SAMD12: variants seen among roughly 807,000 people sequenced by gnomAD.
SAMD12 encodes sterile alpha motif domain-containing protein 12.
Under a neutral mutation model 15.0 loss-of-function variants are expected in SAMD12, and 9 were observed. That is an observed-to-expected ratio of 0.60 (90% confidence interval 0.36 to 1.05). The LOEUF is 1.05. Among genes scored for constraint, SAMD12 ranks in the 50% least tolerant of loss-of-function variants. The probability of loss-of-function intolerance (pLI) is 0.01; values close to 1 mark genes in which losing one functional copy is unlikely to be tolerated. For synonymous variants in SAMD12, 86 were observed against 90.1 expected, an observed-to-expected ratio of 0.96 and a Z score of 0.25; for missense variants, 230 against 234.2, an observed-to-expected ratio of 0.98 and a Z score of 0.12.
At chr8:118,534,830 G>A (rs1341346532) in intron 2 of SAMD12, among the ~76,000 whole-genome samples, 1 of 152,128 alleles carries the variant, frequency 6.6e-6, no homozygotes, top group African/African-American at 2.4e-5. Flanking sequence ...CGTTTTTCTA[G>A]TTAGCCATTC....
chr8:118,545,801 T>C (rs1826108202), intron 2 of SAMD12, among the ~76,000 whole-genome samples: 1 of 152,224 alleles, frequency 6.6e-6, no homozygotes, highest in Non-Finnish European at 1.5e-5. Flanking sequence ...AGATGAAATA[T>C]AGTTAACATG....
At chr8:118,390,066 G>C (rs2130749778) in intron 3 of SAMD12, among the ~76,000 whole-genome samples, 1 of 152,160 alleles carries the variant, frequency 6.6e-6, no homozygotes, top group South Asian at 2.1e-4. Flanking sequence ...GAGTGCAGTG[G>C]CACGATCTTG....
intron 1 of SAMD12, among the ~76,000 whole-genome samples, chr8:118,608,669 A>G (rs1361600802): frequency 6.6e-6 from 1 of 151,912 alleles, no homozygotes; most frequent in Non-Finnish European, 1.5e-5. Flanking sequence ...ACACCTGGCT[A>G]ATTTTTGTAT....
chr8:118,554,699 A>G (rs907450430), intron 2 of SAMD12, among the ~76,000 whole-genome samples: 4 of 152,150 alleles, frequency 2.6e-5, no homozygotes, highest in Admixed American at 2.6e-4. Flanking sequence ...GAACTAAAAA[A>G]AAAAAATCTA....
chr8:118,306,343 T>G (rs1458859694), intron 4 of SAMD12, among the ~76,000 whole-genome samples: 1 of 152,216 alleles, frequency 6.6e-6, no homozygotes, highest in Non-Finnish European at 1.5e-5. Context: ...GCTGTGATTC[T>G]GCCTCTCAGC....
At chr8:118,320,797 C>T (rs887174990) in intron 4 of SAMD12, among the ~76,000 whole-genome samples, 31 of 147,836 alleles carry the variant, frequency 2.1e-4, no homozygotes, top group African/African-American at 7.2e-4. Flanking sequence ...GCACATGTAC[C>T]CTAGAACTTA....
At chr8:118,394,628 T>C (rs1223070796) in intron 3 of SAMD12, among the ~76,000 whole-genome samples, 2 of 152,136 alleles carry the variant, frequency 1.3e-5, no homozygotes, top group Non-Finnish European at 2.9e-5. Flanking sequence ...ATTGACTGGG[T>C]TTACCATGTC....
intron 4 of SAMD12, among the ~76,000 whole-genome samples, chr8:118,206,672 G>A (rs1245223748): frequency 6.6e-6 from 1 of 152,210 alleles, no homozygotes; most frequent in Non-Finnish European, 1.5e-5. Context: ...GCTGTCTCTA[G>A]ATGAGTGTTT....
intron 2 of SAMD12, among the ~76,000 whole-genome samples, chr8:118,444,122 A>G (rs1267893251): frequency 6.6e-6 from 1 of 152,164 alleles, no homozygotes. Context: ...CTAAGCCTAA[A>G]TAATAATAGT....
rs568427398 is a variant in SAMD12 at position 118,388,241 on chromosome 8, T to C, written c.323-8541A>G. ...CTGCTGGGCTATACTCGCCATTTCA[T>C]GCTTGGCGTTAGTCTCTTTCTTTAT... On this transcript the variant is annotated intron_variant, in intron 3 of 3. Transcript: ENST00000314727. Among the ~76,000 whole-genome samples, 4 of 152,310 alleles carry C rather than the reference T, an allele frequency of 2.6e-5. No individual in the cohort carries two copies. In the South Asian group the frequency reaches 8.3e-4, roughly 32 times the overall value.
chr8:118,340,880 G>A (rs1817327658), intron 4 of SAMD12, among the ~76,000 whole-genome samples: 1 of 152,188 alleles, frequency 6.6e-6, no homozygotes, highest in Non-Finnish European at 1.5e-5. Flanking sequence ...AACAATTGAA[G>A]TAAAGCCAGA....
chr8:118,137,513 C>A, the SAMD12 span, among the ~76,000 whole-genome samples: 1 of 152,160 alleles, frequency 6.6e-6, no homozygotes, highest in Non-Finnish European at 1.5e-5. Flanking sequence ...TTTCCCCTCC[C>A]TTTGGACCCT....
At chr8:118,301,802 A>G (rs1320177774) in intron 4 of SAMD12, among the ~76,000 whole-genome samples, 3 of 152,210 alleles carry the variant, frequency 2.0e-5, no homozygotes, top group African/African-American at 7.2e-5. Context: ...CACTTCTCAG[A>G]TGGAATCATT....
intron 1 of SAMD12, among the ~76,000 whole-genome samples, chr8:118,619,014 G>A (rs1268228564): frequency 6.6e-6 from 1 of 152,076 alleles, no homozygotes; most frequent in East Asian, 1.9e-4. Context: ...AATAAGTTGG[G>A]TAAACTGATC....
At chr8:118,254,635 TGA>T (rs1812892309) in intron 4 of SAMD12, among the ~76,000 whole-genome samples, 1 of 152,070 alleles carries the variant, frequency 6.6e-6, no homozygotes, top group African/African-American at 2.4e-5. Context: ...AAATGAGTCA[TGA>T]GAGTCCCTCT....
At chr8:118,146,666 G>T in the SAMD12 span, among the ~76,000 whole-genome samples, 1 of 152,134 alleles carries the variant, frequency 6.6e-6, no homozygotes, top group East Asian at 1.9e-4. Context: ...AGACTCATAG[G>T]TTTGGTTGGA....
chr8:118,499,255 ACAT>A (rs1460456707), intron 2 of SAMD12, among the ~76,000 whole-genome samples: 1 of 152,154 alleles, frequency 6.6e-6, no homozygotes, highest in Non-Finnish European at 1.5e-5. Flanking sequence ...AGTGTGACAC[ACAT>A]CATATCTCAT....
intron 2 of SAMD12, among the ~76,000 whole-genome samples, chr8:118,523,826 A>G (rs979841265): frequency 6.6e-6 from 1 of 152,130 alleles, no homozygotes; most frequent in Non-Finnish European, 1.5e-5. Flanking sequence ...CTGAAAACAG[A>G]GAAGCCATCT....
intron 4 of SAMD12, among the ~76,000 whole-genome samples, chr8:118,318,325 T>TATATATATATATATATATATATAC (rs1816037047): frequency 4.4e-4 from 11 of 25,250 alleles, no homozygotes; most frequent in Non-Finnish European, 1.5e-3. Context: ...TATATATATA[T>TATATATATATATATATATATATAC]ATATATATAT....
Sources: gnomAD v4.1 joint callset for allele counts (sites outside exome capture counted in the v4.1 genomes callset) on GRCh38, gnomAD v4.1.1 for gene constraint, MANE v1.5 for transcripts, NCBI Gene and HGNC (gene_info 2026-07-23, HGNC 2026-07-21) for gene names.